Variants in PTPN21 observed in about 807,000 individuals in gnomAD.
PTPN21 encodes the protein tyrosine-protein phosphatase non-receptor type 21.
A neutral mutation model predicts 131.8 loss-of-function variants in PTPN21; 77 were observed. The observed-to-expected ratio is 0.58, with a 90% CI of 0.49 to 0.71. PTPN21 has a LOEUF of 0.71. PTPN21 is among the 30% of genes least tolerant of loss of function. The probability of loss-of-function intolerance (pLI) is 0.00; values close to 1 mark genes in which losing one functional copy is unlikely to be tolerated. For synonymous variants in PTPN21, 715 were observed against 621.3 expected (o/e 1.15, Z -2.24); for missense variants, 1,552 against 1,527.1 (o/e 1.02, Z -0.27).
intron 10 of PTPN21, 75 bp downstream of exon 10, chr14:88,496,338 A>T: frequency 7.8e-7 from 1 of 1,280,708 alleles, no homozygotes; most frequent in African/African-American, 1.5e-5. Flanking sequence ...GTCTTTCTTG[A>T]TGATACAGTA....
chr14:88,472,962 A>C (rs2077493799), intron 14 of PTPN21, among the ~76,000 whole-genome samples: 1 of 152,220 alleles, frequency 6.6e-6, no homozygotes, highest in African/African-American at 2.4e-5. Flanking sequence ...ATATAATGCA[A>C]ACTTTTGTTT....
At chr14:88,504,277 G>A in intron 6 of PTPN21, 148 bp downstream of exon 6, 1 of 634,352 alleles carries the variant, frequency 1.6e-6, no homozygotes, top group Non-Finnish European at 2.8e-6. Flanking sequence ...TATAAATGTT[G>A]GCTACTTGTA....
chr14:88,546,591 AAAAAT>A (rs1300748607), intron 2 of PTPN21, among the ~76,000 whole-genome samples: 1 of 151,834 alleles, frequency 6.6e-6, no homozygotes, highest in Non-Finnish European at 1.5e-5. Flanking sequence ...AAAAAAAAAA[AAAAAT>A]TGTCATTATA....
chr14:88,467,895 C>A lies in PTPN21; in HGVS notation c.*242G>T, dbSNP rs1013112697. 1.8e-6 allele frequency: 1 copy of A among 567,624 alleles called. No individual in the cohort carries two copies. Among genetic ancestry groups the A allele is most frequent in the Non-Finnish European group, 3.1e-6 (1 of 322,246 alleles). 35.2% of individuals were successfully genotyped at this position (567,624 alleles called of 1,614,324 possible). On this transcript the variant is annotated 3_prime_UTR_variant, in exon 19 of 19. Coordinates refer to ENST00000556564, the MANE Select transcript of PTPN21 (RefSeq NM_007039.4). ...TGCAAGTACTGCAAACCGGACAGACCGGGGCAGGGCAAGGCCCTTGAAACC... is the reference window on the plus strand; with the variant it reads ...TGCAAGTACTGCAAACCGGACAGACAGGGGCAGGGCAAGGCCCTTGAAACC...
At chr14:88,504,200 T>C (rs576855426) in intron 6 of PTPN21, among the ~76,000 whole-genome samples, 59 of 152,252 alleles carry the variant, frequency 3.9e-4, no homozygotes, top group East Asian at 3.9e-3. Context: ...TGGTAAAACA[T>C]GGACAATAAA....
At chr14:88,483,606 A>T (rs2077685703) in intron 12 of PTPN21, among the ~76,000 whole-genome samples, 1 of 152,096 alleles carries the variant, frequency 6.6e-6, no homozygotes. Context: ...CTTACCCGAG[A>T]GGAAACCTGG....
chr14:88,478,488 G>A lies in PTPN21; in HGVS notation c.2511+432C>T, dbSNP rs191241652. On this transcript the variant is annotated intron_variant, in intron 13 of 18. Transcript: ENST00000556564. ...ATATTAGGATTGGGTACACTTTCCT[G>A]GATGCTTTTTTCAGATATCTCTTGA... is the stretch of plus-strand genomic sequence containing the variant. 5.5e-4 allele frequency among the ~76,000 whole-genome samples: 84 copies of A among 152,226 alleles called. 1 individual carries two copies. The highest frequency in any genetic ancestry group is 1.9e-3 in the African/African-American group (80 of 41,522).
At chr14:88,505,161 T>C (rs1296629113) in intron 5 of PTPN21, 143 bp downstream of exon 5, 10 of 659,850 alleles carry the variant, frequency 1.5e-5, no homozygotes, top group Non-Finnish European at 2.6e-5. Context: ...GCAGTCACAC[T>C]TGAGATGTTT....
In PTPN21 at chr14:88,479,113, T is replaced by C. The variant is rs139214657; in HGVS notation, c.2318A>G (p.Asp773Gly). 7 of 1,563,086 alleles carry C rather than the reference T, an allele frequency of 4.5e-6. No homozygotes were observed. The African/African-American group carries it at 8.3e-5, about 18-fold the overall frequency. ...HVPDAEKRMM[D>G]SSPVRTTAEA... ...TGCGGTCGTGCGGACGGGGCTGCTG[T>C]CCATCATCCTCTTCTCCGCGTCTGG... Residue 773 changes from aspartate to glycine, a missense_variant, in exon 13 of 19, where the codon GAC becomes GGC. This residue lies in a region of PTPN21 where 1,016 missense variants were observed against 883.5 expected (regional missense o/e 1.15). Transcript: ENST00000556564.
At chr14:88,486,821 C>A (rs982683828) in intron 10 of PTPN21, among the ~76,000 whole-genome samples, 1 of 151,768 alleles carries the variant, frequency 6.6e-6, no homozygotes, top group Non-Finnish European at 1.5e-5. Flanking sequence ...ACTGAAAATA[C>A]AAAAACTAGC....
chr14:88,532,424 A>G (rs1185473599), intron 2 of PTPN21, among the ~76,000 whole-genome samples: 1 of 152,170 alleles, frequency 6.6e-6, no homozygotes, highest in East Asian at 1.9e-4. Flanking sequence ...TACAATTTCT[A>G]TTTTCTAATA....
chr14:88,521,746 T>TA (rs994248341), intron 2 of PTPN21, among the ~76,000 whole-genome samples: 1 of 151,980 alleles, frequency 6.6e-6, no homozygotes. Context: ...GAAAAGGTCT[T>TA]AAAAATACCC....
chr14:88,548,998 C>A (rs1429359686), intron 2 of PTPN21, among the ~76,000 whole-genome samples: 2 of 152,156 alleles, frequency 1.3e-5, no homozygotes, highest in East Asian at 3.9e-4. Flanking sequence ...AACTGGGGCT[C>A]AGAGATATCA....
intron 2 of PTPN21, among the ~76,000 whole-genome samples, chr14:88,545,346 C>G (rs1359536045): frequency 6.6e-6 from 1 of 152,136 alleles, no homozygotes; most frequent in Non-Finnish European, 1.5e-5. Flanking sequence ...TTTTAGCGAG[C>G]TAGATTAAAT....
chr14:88,544,548 T>C (rs2139359834), intron 2 of PTPN21, among the ~76,000 whole-genome samples: 1 of 152,308 alleles, frequency 6.6e-6, no homozygotes, highest in Middle Eastern at 3.4e-3. Context: ...CACTATCAAG[T>C]AGGTACTATT....
intron 2 of PTPN21, among the ~76,000 whole-genome samples, chr14:88,545,943 G>T (rs2078771346): frequency 6.9e-6 from 1 of 144,354 alleles, no homozygotes; most frequent in African/African-American, 2.6e-5. Context: ...AGTGAGCCGA[G>T]ATCGCGCCAC....
intron 2 of PTPN21, among the ~76,000 whole-genome samples, chr14:88,528,900 T>C (rs1189828117): frequency 1.3e-5 from 2 of 152,232 alleles, no homozygotes; most frequent in Non-Finnish European, 2.9e-5. Context: ...AGGGGTTTTC[T>C]AGGTATACGT....
At chr14:88,490,048 G>T (rs816074) in intron 10 of PTPN21, among the ~76,000 whole-genome samples, 3,420 of 149,754 alleles carry the variant, frequency 0.023, 323 homozygotes, top group Admixed American at 0.18. Context: ...TTGCTCTGTC[G>T]CCCAGGCTGA....
At chr14:88,540,061 C>G (rs552941624) in intron 2 of PTPN21, among the ~76,000 whole-genome samples, 34 of 152,296 alleles carry the variant, frequency 2.2e-4, no homozygotes, top group African/African-American at 8.2e-4. Flanking sequence ...TGGTGAATAT[C>G]TTAATTCTCA....
Sources: gnomAD v4.1 joint callset for allele counts (sites outside exome capture counted in the v4.1 genomes callset) on GRCh38, gnomAD v4.1.1 for gene constraint, gnomAD v4.1.1 regional missense constraint, MANE v1.5 for transcripts, NCBI Gene and HGNC (gene_info 2026-07-23, HGNC 2026-07-21) for gene names.